Variants in CHRM3 observed in about 807,000 individuals in gnomAD.
CHRM3 encodes the protein cholinergic receptor muscarinic 3, also known as muscarinic acetylcholine receptor M3.
CHRM3 carries 11 observed loss-of-function variants against 41.8 expected under a neutral mutation model. That is an observed-to-expected ratio of 0.26 (90% confidence interval 0.17 to 0.44). The LOEUF is 0.44. Among genes scored for constraint, CHRM3 ranks in the 20% least tolerant of loss-of-function variants. The pLI is 1.00. For missense variants in CHRM3, 571 were observed against 745.4 expected (o/e 0.77, Z 2.72); for synonymous variants, 297 against 301.4 (o/e 0.99, Z 0.15).
In CHRM3 at chr1:239,601,270, A is replaced by AATGTGAGTGATGGTG. The variant is rs137881979; in HGVS notation, c.-312-30945_-312-30931dup. ...GATGGGAGGTTTGAAAGAGGCACAG[A>AATGTGAGTGATGGTG]ATGTGAGTGATGGTGATGTGAGTAA... On this transcript the variant is annotated intron_variant, in intron 3 of 6. Coordinates refer to ENST00000676153, the MANE Select transcript of CHRM3 (RefSeq NM_001375978.1). 2.6e-3 allele frequency among the ~76,000 whole-genome samples: 398 copies of AATGTGAGTGATGGTG among 152,304 alleles called. 2 individuals are homozygous for AATGTGAGTGATGGTG. The highest frequency in any genetic ancestry group is 9.1e-3 in the African/African-American group (378 of 41,556).
chr1:239,805,603 G>C (rs1197554967), intron 5 of CHRM3, among the ~76,000 whole-genome samples: 3 of 151,726 alleles, frequency 2.0e-5, no homozygotes, highest in Non-Finnish European at 4.4e-5. Flanking sequence ...TGAAGTCTAG[G>C]GCCTTGATAG....
At chr1:239,877,819 T>C (rs1677232308) in intron 6 of CHRM3, among the ~76,000 whole-genome samples, 1 of 151,976 alleles carries the variant, frequency 6.6e-6, no homozygotes, top group Non-Finnish European at 1.5e-5. Context: ...TTTTCTGTGA[T>C]GGGGAGGAGA....
intron 3 of CHRM3, among the ~76,000 whole-genome samples, chr1:239,615,214 A>T (rs1397945657): frequency 1.3e-5 from 2 of 152,324 alleles, no homozygotes; most frequent in Non-Finnish European, 2.9e-5. Flanking sequence ...TATACACTTT[A>T]TGTATGCTAC....
intron 5 of CHRM3, among the ~76,000 whole-genome samples, chr1:239,689,373 A>G (rs1659487318): frequency 6.6e-6 from 1 of 152,150 alleles, no homozygotes; most frequent in Admixed American, 6.5e-5. Context: ...GTGCACGCAG[A>G]AAGACTGACA....
chr1:239,624,706 C>T (rs1348898455), intron 3 of CHRM3, among the ~76,000 whole-genome samples: 5 of 108,040 alleles, frequency 4.6e-5, no homozygotes, highest in African/African-American at 1.2e-4. Context: ...CCAGTTTCAG[C>T]TTTCTACATA....
chr1:239,524,473 G>A (rs958350318), intron 2 of CHRM3, among the ~76,000 whole-genome samples: 2 of 151,330 alleles, frequency 1.3e-5, no homozygotes, highest in Admixed American at 6.6e-5. Context: ...ATTATTTGTC[G>A]CCATGACCGC....
chr1:239,439,102 C>G (rs542530526), intron 1 of CHRM3, among the ~76,000 whole-genome samples: 7 of 152,284 alleles, frequency 4.6e-5, no homozygotes, highest in African/African-American at 1.7e-4. Flanking sequence ...TCTGCAGGCT[C>G]AGATCAGTTA....
chr1:239,763,413 A>G (rs1226270580), intron 5 of CHRM3, among the ~76,000 whole-genome samples: 2 of 152,230 alleles, frequency 1.3e-5, no homozygotes, highest in Non-Finnish European at 2.9e-5. Flanking sequence ...TATTCTGTGA[A>G]ATACTATTTC....
At position 239,896,007 on chromosome 1, in the gene CHRM3, A is replaced by G. The variant is rs531231794; in HGVS notation, c.-19-11426A>G. On this transcript the variant is annotated intron_variant, in intron 6 of 6. Coordinates refer to ENST00000676153, the MANE Select transcript of CHRM3 (RefSeq NM_001375978.1). ...CAACAAAATGTAACTATTCATCTCAATTAAAACAGAGTAGAGGCAATCGTT... is the reference window on the plus strand; with the variant it reads ...CAACAAAATGTAACTATTCATCTCAGTTAAAACAGAGTAGAGGCAATCGTT... Among the ~76,000 whole-genome samples, 7 of 152,332 alleles carry G rather than the reference A, an allele frequency of 4.6e-5. 1 individual carries two copies. The highest frequency in any genetic ancestry group is 1.4e-4 in the African/African-American group (6 of 41,580).
At chr1:239,517,762 A>G (rs569853214) in intron 2 of CHRM3, among the ~76,000 whole-genome samples, 1 of 152,296 alleles carries the variant, frequency 6.6e-6, no homozygotes, top group African/African-American at 2.4e-5. Flanking sequence ...CAAGATTTTG[A>G]TTGCCTTTGT....
intron 1 of CHRM3, among the ~76,000 whole-genome samples, chr1:239,479,254 A>G (rs1414068855): frequency 6.6e-6 from 1 of 151,882 alleles, no homozygotes; most frequent in Non-Finnish European, 1.5e-5. Context: ...ACAGCAATCT[A>G]CAGATCTAAT....
intron 3 of CHRM3, among the ~76,000 whole-genome samples, chr1:239,602,090 A>ATGTGTGTGTGTGTGTGTG (rs1553337601): frequency 7.2e-4 from 94 of 131,226 alleles, no homozygotes; most frequent in Admixed American, 1.6e-3. Flanking sequence ...ACATATATAC[A>ATGTGTGTGTGTGTGTGTG]TGTGTGTGTG....
chr1:239,905,975 A>G (rs2103038467), intron 6 of CHRM3, among the ~76,000 whole-genome samples: 1 of 152,354 alleles, frequency 6.6e-6, no homozygotes, highest in South Asian at 2.1e-4. Context: ...TTCTTTGGCC[A>G]CTTATTGAAT....
At chr1:239,455,883 C>T (rs1453108618) in intron 1 of CHRM3, among the ~76,000 whole-genome samples, 1 of 152,198 alleles carries the variant, frequency 6.6e-6, no homozygotes. Context: ...CCACTCACCA[C>T]TCACTCACTG....
chr1:239,569,527 T>TGTCA (rs762651062), intron 3 of CHRM3, among the ~76,000 whole-genome samples: 171 of 152,340 alleles, frequency 1.1e-3, no homozygotes, highest in Non-Finnish European at 1.8e-3. Context: ...AAGTTCGTTG[T>TGTCA]GTCAGTCAAT....
intron 3 of CHRM3, among the ~76,000 whole-genome samples, chr1:239,577,652 T>TA (rs1662499494): frequency 6.6e-6 from 1 of 152,222 alleles, no homozygotes; most frequent in Admixed American, 6.6e-5. Flanking sequence ...ACAAATTACT[T>TA]AATCATTTCG....
Position 239,744,470 on chromosome 1 carries a change from T to A in CHRM3, c.-147+66182T>A, listed in dbSNP as rs1299288831. Reference sequence around the variant, plus strand: ...ATGGTTGAGCAACAACCTGGAGAAGTTGAGGGAGCGGCCGGTGGCTATGGG... The same window carrying A: ...ATGGTTGAGCAACAACCTGGAGAAGATGAGGGAGCGGCCGGTGGCTATGGG... On this transcript the variant is annotated intron_variant, in intron 5 of 6. Coordinates refer to ENST00000676153, the MANE Select transcript of CHRM3 (RefSeq NM_001375978.1). 2.6e-5 allele frequency among the ~76,000 whole-genome samples: 4 copies of A among 151,598 alleles called. No homozygotes were observed. The East Asian group carries it at 7.8e-4, about 30-fold the overall frequency.
At chr1:239,842,658 T>A (rs770493067) in intron 6 of CHRM3, among the ~76,000 whole-genome samples, 2 of 152,134 alleles carry the variant, frequency 1.3e-5, no homozygotes, top group Non-Finnish European at 2.9e-5. Flanking sequence ...GATCACTTGA[T>A]ATATCAGGTA....
chr1:239,654,652 G>A (rs527979116), intron 4 of CHRM3, among the ~76,000 whole-genome samples: 180 of 152,238 alleles, frequency 1.2e-3, no homozygotes, highest in African/African-American at 4.2e-3. Flanking sequence ...GCCCTCCTTG[G>A]CCTCCCAAAG....
Sources: gnomAD v4.1 joint callset for allele counts (sites outside exome capture counted in the v4.1 genomes callset) on GRCh38, gnomAD v4.1.1 for gene constraint, MANE v1.5 for transcripts, NCBI Gene and HGNC (gene_info 2026-07-23, HGNC 2026-07-21) for gene names.